VPS50: variants seen among roughly 807,000 people sequenced by gnomAD.
The protein encoded by VPS50 is VPS50 subunit of EARP/GARPII complex, also known as syndetin.
In VPS50, 70 loss-of-function variants were observed where a neutral mutation model predicts 139.7. That is an observed-to-expected ratio of 0.50 (90% confidence interval 0.41 to 0.61). The LOEUF is 0.61. Among genes scored for constraint, VPS50 ranks in the 20% least tolerant of loss-of-function variants. The pLI is 0.00. For missense variants in VPS50, 921 were observed against 1,133.7 expected (o/e 0.81, Z 2.69); for synonymous variants, 365 against 376.7 (o/e 0.97, Z 0.36).
In VPS50 at chr7:93,247,583, A is replaced by T. The variant is rs1158198936; in HGVS notation, c.103-5070A>T. Among the ~76,000 whole-genome samples the T allele has an allele frequency of 2.0e-5, 3 of 151,832 alleles. No individual in the cohort carries two copies. In the East Asian group the frequency reaches 5.8e-4, roughly 29 times the overall value. ...TGTGAACCCACCGTCTGATGCCTTCATTCTGTTTGCATCACCCTCATGTTC... is the reference window on the plus strand; with the variant it reads ...TGTGAACCCACCGTCTGATGCCTTCTTTCTGTTTGCATCACCCTCATGTTC... On this transcript the variant is annotated intron_variant, in intron 2 of 27. Coordinates refer to ENST00000305866, the MANE Select transcript of VPS50 (RefSeq NM_017667.4).
intron 11 of VPS50, 52 bp downstream of exon 11, chr7:93,272,785 C>A: frequency 1.2e-6 from 1 of 822,718 alleles, no homozygotes; most frequent in Non-Finnish European, 2.0e-6. Context: ...ATTTGTTGTC[C>A]TTCATGATTA....
chr7:93,334,290 T>C, intron 22 of VPS50, 93 bp downstream of exon 22: 1 of 720,104 alleles, frequency 1.4e-6, no homozygotes, highest in Non-Finnish European at 2.4e-6. Context: ...CTATATGTAT[T>C]GAGTAGCTGA....
intron 13 of VPS50, 51 bp from the exon 14 acceptor site, chr7:93,294,493 AC>A: frequency 7.0e-7 from 1 of 1,430,580 alleles, no homozygotes; most frequent in Non-Finnish European, 9.4e-7. Flanking sequence ...TATTTGGAAA[AC>A]AAACACAAAT....
chr7:93,268,582 G>T (rs1283510007), intron 9 of VPS50, among the ~76,000 whole-genome samples: 3 of 152,032 alleles, frequency 2.0e-5, no homozygotes, highest in Non-Finnish European at 4.4e-5. Flanking sequence ...GTGGTGTTTG[G>T]TTTTCTATTC....
At chr7:93,271,047 C>A in intron 9 of VPS50, 173 bp from the exon 10 acceptor site, 1 of 1,002,088 alleles carries the variant, frequency 1.0e-6, no homozygotes, top group Non-Finnish European at 1.3e-6. Context: ...ACTCTTATTC[C>A]CTTCTAATAC....
intron 20 of VPS50, among the ~76,000 whole-genome samples, chr7:93,316,018 G>A (rs1395531183): frequency 6.6e-6 from 1 of 152,138 alleles, no homozygotes; most frequent in African/African-American, 2.4e-5. Context: ...GCAAGAGAAA[G>A]AATGATGATT....
intron 18 of VPS50, among the ~76,000 whole-genome samples, chr7:93,306,736 C>G (rs1219881380): frequency 6.6e-6 from 1 of 151,792 alleles, no homozygotes; most frequent in Non-Finnish European, 1.5e-5. Flanking sequence ...ATGGTTTCTT[C>G]TGATCTTCAT....
chr7:93,353,294 T>C (rs1798609060), intron 25 of VPS50, among the ~76,000 whole-genome samples: 1 of 152,194 alleles, frequency 6.6e-6, no homozygotes, highest in Non-Finnish European at 1.5e-5. Flanking sequence ...TTGAAGATAT[T>C]TTTAAAGCCA....
chr7:93,355,912 C>T lies in VPS50; in HGVS notation c.2607C>T (p.Cys869=). 1 of 1,578,602 alleles carries T rather than the reference C, an allele frequency of 6.3e-7. No individual in the cohort carries two copies. The highest frequency in any genetic ancestry group is 8.6e-7 in the Non-Finnish European group (1 of 1,156,798). The change falls in exon 27 of 28, where the codon TGC becomes TGT. Residue 869 remains cysteine, a synonymous_variant. Transcript: ENST00000305866. ...TTAGATATGCCAATGTCAAGAAATG[C>T]AGTAATGAGGGTCGTGCCCTGATGC... ...IVEGYANVKK[C]SNEGRALMQL... is the part of the protein sequence containing the mutation.
At position 93,333,996 on chromosome 7, in the gene VPS50, T is replaced by A. The variant is rs1798005362; in HGVS notation, c.1978-121T>A. 7.3e-6 allele frequency: 5 copies of A among 688,022 alleles called. No homozygotes were observed. In the East Asian group the frequency reaches 1.1e-4, roughly 15 times the overall value. 42.6% of individuals were successfully genotyped at this position (688,022 alleles called of 1,614,324 possible). A position where few individuals can be genotyped will look rare whatever the true frequency, so the allele number is the denominator to read the frequency against. On this transcript the variant is annotated intron_variant, in intron 21 of 27. Coordinates refer to ENST00000305866, the MANE Select transcript of VPS50 (RefSeq NM_017667.4). ...TGTGCTAGAATTTGTAAATGCAATT[T>A]GGAAACCCTCTGAAGGCTAAGTATC...
chr7:93,279,923 C>T (rs1282838915), intron 12 of VPS50, among the ~76,000 whole-genome samples: 1 of 151,836 alleles, frequency 6.6e-6, no homozygotes, highest in East Asian at 1.9e-4. Flanking sequence ...TTGCTTTATG[C>T]ATAGTATCAT....
Position 93,256,575 on chromosome 7 carries a change from T to A in VPS50, c.351+13T>A. 1 of 1,362,636 alleles carries A rather than the reference T, an allele frequency of 7.3e-7. No homozygotes were observed. The highest frequency in any genetic ancestry group is 1.4e-5 in the South Asian group (1 of 73,422). The allele number at this position is 1,362,636 out of a possible 1,614,324, so 84.4% of individuals were successfully genotyped here. ...TGCTTATGTAAAGGTAGGATAATAT[T>A]TGTTATTTTTTGTAGTAGAATTTTT... On this transcript the variant is annotated intron_variant, in intron 5 of 27. Transcript: ENST00000305866.
In VPS50 at chr7:93,263,248, T is replaced by G. The variant is rs571965979; in HGVS notation, c.659+3616T>G. On this transcript the variant is annotated intron_variant, in intron 9 of 27. Transcript: ENST00000305866. Reference sequence around the variant, plus strand: ...TTGGACATGAGTGAATTAGAGTGAATAAGCATTTTACATTCTAGTAATCTT... The same window carrying G: ...TTGGACATGAGTGAATTAGAGTGAAGAAGCATTTTACATTCTAGTAATCTT... Among the ~76,000 whole-genome samples the G allele has an allele frequency of 5.3e-5, 8 of 152,340 alleles. No individual in the cohort carries two copies. In the South Asian group the frequency reaches 8.3e-4, roughly 16 times the overall value.
At chr7:93,269,424 T>G (rs1375854093) in intron 9 of VPS50, among the ~76,000 whole-genome samples, 1 of 152,096 alleles carries the variant, frequency 6.6e-6, no homozygotes, top group Non-Finnish European at 1.5e-5. Context: ...GATATAGTTT[T>G]GCTCACTTCC....
intron 2 of VPS50, among the ~76,000 whole-genome samples, chr7:93,242,068 C>T (rs1476354884): frequency 2.0e-5 from 3 of 151,236 alleles, no homozygotes; most frequent in South Asian, 2.1e-4. Flanking sequence ...ACATGGTAAA[C>T]GGAAAAAGGT....
chr7:93,260,061 T>C (rs573971131), intron 9 of VPS50, among the ~76,000 whole-genome samples: 141 of 152,328 alleles, frequency 9.3e-4, no homozygotes, highest in Non-Finnish European at 1.6e-3. Flanking sequence ...AAAAAGTCTT[T>C]TGGAAAATTT....
At chr7:93,293,919 A>G (rs1796725194) in intron 13 of VPS50, among the ~76,000 whole-genome samples, 1 of 152,186 alleles carries the variant, frequency 6.6e-6, no homozygotes, top group Non-Finnish European at 1.5e-5. Flanking sequence ...ACAAGATGAT[A>G]ACATACTCAC....
chr7:93,308,905 T>C lies in VPS50; in HGVS notation c.1711T>C (p.Tyr571His). The change falls in exon 19 of 28, where the codon TAT becomes CAT. Residue 571 changes from tyrosine to histidine, a missense_variant. By Grantham distance (83) the Tyr-to-His change is moderately conservative. Transcript: ENST00000305866. ...TGTTCCTGAGGAACTCAAACGAGAC[T>C]ATGTGGATGAGCAGACAGGAGATGG... ...SDVPEELKRD[Y>H]VDEQTGDGPV... 6.2e-7 allele frequency: 1 copy of C among 1,602,838 alleles called. No individual in the cohort carries two copies. The highest frequency in any genetic ancestry group is 8.5e-7 in the Non-Finnish European group (1 of 1,170,446).
At chr7:93,326,101 A>G (rs374200605) in intron 21 of VPS50, among the ~76,000 whole-genome samples, 4 of 152,006 alleles carry the variant, frequency 2.6e-5, no homozygotes, top group East Asian at 1.9e-4. Context: ...TATACACCAT[A>G]GAATACTATG....
Sources: gnomAD v4.1 joint callset for allele counts (sites outside exome capture counted in the v4.1 genomes callset) on GRCh38, gnomAD v4.1.1 for gene constraint, MANE v1.5 for transcripts, NCBI Gene and HGNC (gene_info 2026-07-23, HGNC 2026-07-21) for gene names.